CNTNAP2: variants seen among roughly 807,000 people sequenced by gnomAD.
CNTNAP2 encodes the protein contactin associated protein 2, also known as contactin-associated protein-like 2.
A neutral mutation model predicts 155.2 loss-of-function variants in CNTNAP2; 98 were observed. That is an observed-to-expected ratio of 0.63 (90% CI 0.54 to 0.75). CNTNAP2 has a LOEUF of 0.75. Among genes scored for constraint, CNTNAP2 ranks in the 30% least tolerant of loss-of-function variants. CNTNAP2 has a pLI of 0.00. For synonymous variants in CNTNAP2, 651 were observed against 631.2 expected, an observed-to-expected ratio of 1.03 and a Z score of -0.47; for missense variants, 1,727 against 1,688.1, an observed-to-expected ratio of 1.02 and a Z score of -0.40.
intron 13 of CNTNAP2, chr7:147,643,555 T>C (rs567148944): frequency 5.3e-5 from 8 of 152,302 alleles, no homozygotes; most frequent in African/African-American, 1.9e-4. Flanking sequence ...GATTTTTTTT[T>C]CCTCCTTCAT....
At chr7:148,241,513 T>C (rs1205886943) in intron 20 of CNTNAP2, among the ~76,000 whole-genome samples, 1 of 152,136 alleles carries the variant, frequency 6.6e-6, no homozygotes, top group African/African-American at 2.4e-5. Context: ...CCCATTGAAG[T>C]ATAAGCTTGT....
intron 9 of CNTNAP2, among the ~76,000 whole-genome samples, chr7:147,358,224 A>G (rs1226023228): frequency 6.6e-6 from 1 of 152,164 alleles, no homozygotes; most frequent in Non-Finnish European, 1.5e-5. Context: ...ACATACTTAT[A>G]AAAACTTTGG....
At chr7:148,312,033 A>C (rs963018168) in intron 21 of CNTNAP2, among the ~76,000 whole-genome samples, 10 of 152,190 alleles carry the variant, frequency 6.6e-5, no homozygotes, top group Non-Finnish European at 1.2e-4. Context: ...AGGTGGGAGA[A>C]AGAAAATAGA....
chr7:147,754,746 T>C (rs1797191235), intron 13 of CNTNAP2, among the ~76,000 whole-genome samples: 1 of 152,086 alleles, frequency 6.6e-6, no homozygotes, highest in Admixed American at 6.6e-5. Flanking sequence ...TAACTTGATA[T>C]TTGAAGTTTT....
At chr7:146,925,994 T>C (rs542725326) in intron 3 of CNTNAP2, among the ~76,000 whole-genome samples, 142 of 152,254 alleles carry the variant, frequency 9.3e-4, no homozygotes, top group Non-Finnish European at 1.8e-3. Context: ...TTGTCCAAAC[T>C]GGAAGACCAG....
intron 9 of CNTNAP2, among the ~76,000 whole-genome samples, chr7:147,377,750 C>G (rs562720535): frequency 6.6e-6 from 1 of 151,714 alleles, no homozygotes; most frequent in Non-Finnish European, 1.5e-5. Flanking sequence ...CTACTAAATT[C>G]TACCTTTTGT....
chr7:146,865,065 T>G (rs1383277323), intron 3 of CNTNAP2, among the ~76,000 whole-genome samples: 1 of 150,884 alleles, frequency 6.6e-6, no homozygotes, highest in African/African-American at 2.4e-5. Context: ...AAATTCTATA[T>G]GCTAGCATCA....
intron 13 of CNTNAP2, among the ~76,000 whole-genome samples, chr7:147,722,022 C>T (rs768639621): frequency 1.3e-5 from 2 of 152,152 alleles, no homozygotes; most frequent in Non-Finnish European, 2.9e-5. Flanking sequence ...TAACCCAAAA[C>T]GCCATACAGT....
chr7:146,356,197 A>C (rs566198498), intron 1 of CNTNAP2, among the ~76,000 whole-genome samples: 1 of 152,112 alleles, frequency 6.6e-6, no homozygotes, highest in Admixed American at 6.6e-5. Context: ...CAAACCGTAC[A>C]TTGTTGTTTA....
chr7:147,304,403 C>T (rs1451569346), intron 9 of CNTNAP2, among the ~76,000 whole-genome samples: 1 of 152,096 alleles, frequency 6.6e-6, no homozygotes, highest in Non-Finnish European at 1.5e-5. Context: ...TGACTGTTTA[C>T]GTGGTAATAA....
intron 1 of CNTNAP2, among the ~76,000 whole-genome samples, chr7:146,526,132 C>A (rs1375671862): frequency 6.6e-6 from 1 of 152,026 alleles, no homozygotes; most frequent in African/African-American, 2.4e-5. Flanking sequence ...AATAAAGGGA[C>A]CCACAGCTTC....
chr7:146,832,580 AAT>A (rs1377167681), intron 2 of CNTNAP2, among the ~76,000 whole-genome samples: 1 of 148,004 alleles, frequency 6.8e-6, no homozygotes, highest in Non-Finnish European at 1.5e-5. Flanking sequence ...CTAATATATT[AAT>A]ATTAACTTCA....
At chr7:146,951,009 C>T (rs1033454767) in intron 3 of CNTNAP2, among the ~76,000 whole-genome samples, 2 of 152,040 alleles carry the variant, frequency 1.3e-5, no homozygotes, top group Non-Finnish European at 2.9e-5. Context: ...GATGGTATCT[C>T]ATCGTGGTTT....
chr7:146,244,430 T>A (rs1305400739), intron 1 of CNTNAP2, among the ~76,000 whole-genome samples: 1 of 152,134 alleles, frequency 6.6e-6, no homozygotes, highest in Non-Finnish European at 1.5e-5. Context: ...GTGTCTGGAA[T>A]GAGACTGGGG....
chr7:146,992,255 C>G (rs1405043709), intron 3 of CNTNAP2, among the ~76,000 whole-genome samples: 1 of 152,148 alleles, frequency 6.6e-6, no homozygotes, highest in African/African-American at 2.4e-5. Context: ...GTAATACCTC[C>G]TTCCCATGAG....
intron 4 of CNTNAP2, 107 bp from the exon 5 acceptor site, chr7:147,108,040 C>T: frequency 2.0e-6 from 2 of 1,010,992 alleles, no homozygotes; most frequent in Admixed American, 4.1e-5. Context: ...GTCAATTTCT[C>T]AAGAAAAACA....
At chr7:147,418,342 A>G (rs1797234061) in intron 10 of CNTNAP2, among the ~76,000 whole-genome samples, 1 of 152,174 alleles carries the variant, frequency 6.6e-6, no homozygotes, top group Non-Finnish European at 1.5e-5. Flanking sequence ...GGACTGGGAA[A>G]GTTCTGATTC....
chr7:148,312,859 G>A (rs151005804), intron 21 of CNTNAP2, among the ~76,000 whole-genome samples: 48,202 of 150,302 alleles, frequency 0.32, 8,443 homozygotes, highest in East Asian at 0.5. Flanking sequence ...ATGATCGGTC[G>A]CTAAGGAGGG....
rs1344304459 is a variant in CNTNAP2, at chr7:146,285,949, T to TTTCCTTCC, written c.97+168996_97+169003dup. Among the ~76,000 whole-genome samples, 7 of 32,982 alleles carry TTTCCTTCC rather than the reference T, an allele frequency of 2.1e-4. 1 individual carries two copies. The highest frequency in any genetic ancestry group is 1.2e-3 in the African/African-American group (7 of 5,730). The allele number at this position is 32,982 out of a possible 152,430, so 21.6% of individuals were successfully genotyped here. On this transcript the variant is annotated intron_variant, in intron 1 of 23. Coordinates refer to ENST00000361727, the MANE Select transcript of CNTNAP2 (RefSeq NM_014141.6). ...CCCTCCCTTCCCCTCCCCTCCCCCT[T>TTTCCTTCC]TTCCTTCCTTCCTTCCTTCCTTCCT...
Sources: gnomAD v4.1 joint callset for allele counts (sites outside exome capture counted in the v4.1 genomes callset) on GRCh38, gnomAD v4.1.1 for gene constraint, MANE v1.5 for transcripts, NCBI Gene and HGNC (gene_info 2026-07-23, HGNC 2026-07-21) for gene names.